The following OTOA variants were observed in gnomAD, a reference collection of about 807,000 sequenced individuals.
OTOA encodes the protein cancer/testis antigen 108.
In OTOA, 70 loss-of-function variants were observed where a neutral mutation model predicts 110.8. That is an observed-to-expected ratio of 0.63 (90% CI 0.52 to 0.77). OTOA has a LOEUF of 0.77. OTOA is among the 30% of genes least tolerant of loss of function. OTOA has a pLI of 0.00. For missense variants in OTOA, 917 were observed against 1,075.8 expected (o/e 0.85, Z 2.06); for synonymous variants, 373 against 431.5 (o/e 0.86, Z 1.68).
intron 9 of OTOA, among the ~76,000 whole-genome samples, chr16:21,694,998 G>A (rs1051970415): frequency 2.6e-5 from 4 of 151,588 alleles, no homozygotes; most frequent in Non-Finnish European, 4.4e-5. Flanking sequence ...TATACGGTGC[G>A]CTTCATTATT....
intron 11 of OTOA, among the ~76,000 whole-genome samples, chr16:21,703,772 T>C (rs2141678681): frequency 6.6e-6 from 1 of 152,260 alleles, no homozygotes; most frequent in Non-Finnish European, 1.5e-5. Flanking sequence ...GTCAACTAGG[T>C]AGTCTTCATT....
At position 21,715,160 on chromosome 16, in the gene OTOA, G is replaced by A. The variant is rs375767505; in HGVS notation, c.1488+8G>A. On this transcript the variant is annotated splice_region_variant and intron_variant, in intron 14 of 28. Transcript: ENST00000646100. ...CAAGGTATCCTCAGCAAGGTGAGAG[G>A]AAGATGTCTGGTGCTCAGCCACATG... is the stretch of plus-strand genomic sequence containing the variant. 108 of 1,613,976 alleles carry A rather than the reference G, an allele frequency of 6.7e-5. No homozygotes were observed. Among genetic ancestry groups the A allele is most frequent in the Non-Finnish European group, 8.9e-5 (105 of 1,179,958 alleles).
chr16:21,681,531 C>T (rs372707474), intron 5 of OTOA, among the ~76,000 whole-genome samples: 27 of 151,702 alleles, frequency 1.8e-4, no homozygotes, highest in South Asian at 8.4e-4. Context: ...TGCAGTGAGC[C>T]GTGATCGCGC....
intron 21 of OTOA, among the ~76,000 whole-genome samples, chr16:21,731,679 AT>A (rs927989121): frequency 6.6e-6 from 1 of 152,158 alleles, no homozygotes; most frequent in African/African-American, 2.4e-5. Flanking sequence ...ACCAACTTTA[AT>A]GGGGCAGGAA....
At chr16:21,667,422 A>G (rs1332721730) in intron 1 of OTOA, among the ~76,000 whole-genome samples, 1 of 152,128 alleles carries the variant, frequency 6.6e-6, no homozygotes, top group Non-Finnish European at 1.5e-5. Flanking sequence ...TGGGAGGCCG[A>G]GGCGGGCAGA....
At chr16:21,708,469 C>T (rs990720457) in intron 12 of OTOA, among the ~76,000 whole-genome samples, 8 of 152,070 alleles carry the variant, frequency 5.3e-5, no homozygotes, top group Non-Finnish European at 1.0e-4. Flanking sequence ...CCCTGGATTT[C>T]GGAGCCCCAC....
At chr16:21,681,192 A>G (rs1966887008) in intron 5 of OTOA, among the ~76,000 whole-genome samples, 1 of 152,172 alleles carries the variant, frequency 6.6e-6, no homozygotes, top group African/African-American at 2.4e-5. Context: ...CGGGAATTAG[A>G]ATATTGCATA....
rs754520650 is a variant in OTOA, at chr16:21,715,154, T to A, written c.1488+2T>A. The A allele has an allele frequency of 3.7e-5, 60 of 1,613,912 alleles. No homozygotes were observed. The highest frequency in any genetic ancestry group is 4.5e-5 in the Non-Finnish European group (53 of 1,179,968). On this transcript the variant is annotated splice_donor_variant, in intron 14 of 28. Coordinates refer to ENST00000646100, the MANE Select transcript of OTOA (RefSeq NM_144672.4). LOFTEE classifies it high-confidence loss of function. ...CAGCAGCAAGGTATCCTCAGCAAGG[T>A]GAGAGGAAGATGTCTGGTGCTCAGC...
intron 12 of OTOA, 46 bp from the exon 13 acceptor site, chr16:21,709,842 C>G (rs199523717): frequency 1.3e-6 from 2 of 1,530,114 alleles, no homozygotes; most frequent in East Asian, 4.5e-5. Flanking sequence ...AGGGAGCCAC[C>G]GCCCTGCTTC....
At chr16:21,698,444 C>G (rs1203693669) in intron 10 of OTOA, among the ~76,000 whole-genome samples, 1 of 152,132 alleles carries the variant, frequency 6.6e-6, no homozygotes, top group Admixed American at 6.6e-5. Flanking sequence ...CACTAAAATC[C>G]CTTGGGCATC....
Position 21,714,332 on chromosome 16 carries a change from C to CCTTCCTTT in OTOA, c.1321-650_1321-649insCCTTTCTT, listed in dbSNP as rs1555499743. Among the ~76,000 whole-genome samples, 186 of 127,724 alleles carry CCTTCCTTT rather than the reference C, an allele frequency of 1.5e-3. 3 individuals are homozygous for CCTTCCTTT. Among genetic ancestry groups the CCTTCCTTT allele is most frequent in the African/African-American group, 3.5e-3 (124 of 35,822 alleles). 83.8% of individuals were successfully genotyped at this position (127,724 alleles called of 152,430 possible). On this transcript the variant is annotated intron_variant, in intron 13 of 28. Coordinates refer to ENST00000646100, the MANE Select transcript of OTOA (RefSeq NM_144672.4). ...TCCTTCCTTCCTTCCTTCCTTCCTTCCTTTCTTTCTTTCTTTCTTTCCTTC... is the reference window on the plus strand; with the variant it reads ...TCCTTCCTTCCTTCCTTCCTTCCTTCCTTCCTTTCTTTCTTTCTTTCTTTCTTTCCTTC...
intron 1 of OTOA, among the ~76,000 whole-genome samples, chr16:21,668,814 A>G (rs1434023306): frequency 2.6e-5 from 4 of 152,046 alleles, no homozygotes; most frequent in Admixed American, 2.0e-4. Flanking sequence ...CAAGTGATCA[A>G]TCTTTTGTTT....
chr16:21,702,115 A>G (rs1360205390), intron 11 of OTOA, among the ~76,000 whole-genome samples: 2 of 151,586 alleles, frequency 1.3e-5, no homozygotes, highest in African/African-American at 2.4e-5. Flanking sequence ...ACACCCAGCT[A>G]ATTTTTGTAT....
intron 22 of OTOA, among the ~76,000 whole-genome samples, chr16:21,739,398 T>TTA (rs1488730179): frequency 6.6e-6 from 1 of 151,042 alleles, no homozygotes; most frequent in African/African-American, 2.4e-5. Context: ...TCCAAGTGGC[T>TTA]TATGATAAAG....
rs73549604 is a variant in OTOA at position 21,676,006 on chromosome 16, C to T, written c.-4-2505C>T. Among the ~76,000 whole-genome samples, 726 of 152,268 alleles carry T rather than the reference C, an allele frequency of 4.8e-3. 11 individuals are homozygous for T. Among genetic ancestry groups the T allele is most frequent in the African/African-American group, 0.017 (689 of 41,538 alleles). ...GCAGTGGCATAATCATGGCTCATTG[C>T]AGCCTCAACTTTCCAGGCTTCAGTG... On this transcript the variant is annotated intron_variant, in intron 1 of 28. Coordinates refer to ENST00000646100, the MANE Select transcript of OTOA (RefSeq NM_144672.4).
intron 22 of OTOA, among the ~76,000 whole-genome samples, chr16:21,737,980 A>T (rs1244507897): frequency 6.6e-6 from 1 of 152,310 alleles, no homozygotes; most frequent in African/African-American, 2.4e-5. Context: ...TTGTAAATAA[A>T]GAGCTTACTT....
At chr16:21,694,712 GA>G (rs1434783694) in intron 9 of OTOA, among the ~76,000 whole-genome samples, 1 of 152,150 alleles carries the variant, frequency 6.6e-6, no homozygotes, top group African/African-American at 2.4e-5. Context: ...TCGGTGTGGG[GA>G]AAACATAAGG....
At position 21,716,953 on chromosome 16, in the gene OTOA, G is replaced by C. The variant is rs1418508879; in HGVS notation, c.1535G>C (p.Gly512Ala). ...GCCCCAGGCATCGTGGAGATACAAG[G>C]GGCTTTCTTTAAGGAAGTGTCTCTC... is the stretch of plus-strand genomic sequence containing the variant. Reference protein sequence around the residue: ...DTAPGIVEIQGAFFKEVSLFD... With the variant: ...DTAPGIVEIQAAFFKEVSLFD... The change falls in exon 15 of 29, where the codon GGG becomes GCG. Residue 512 changes from glycine to alanine, a missense_variant. Physicochemically the swap from Gly to Ala is moderately conservative, Grantham distance 60. Around this residue, in one of 6 missense-constraint regions of OTOA, gnomAD observed 840 missense variants for 910.2 expected, o/e 0.92. Coordinates refer to ENST00000646100, the MANE Select transcript of OTOA (RefSeq NM_144672.4). 1.2e-6 allele frequency: 2 copies of C among 1,613,890 alleles called. No individual in the cohort carries two copies. Among genetic ancestry groups the C allele is most frequent in the African/African-American group, 2.7e-5 (2 of 74,866 alleles).
intron 17 of OTOA, chr16:21,721,171 T>G (rs898095103): frequency 1.0e-5 from 4 of 399,710 alleles, no homozygotes; most frequent in Non-Finnish European, 2.1e-5. Context: ...AGCCTCAGCC[T>G]CCTAAAGTGC....
Sources: gnomAD v4.1 joint callset for allele counts (sites outside exome capture counted in the v4.1 genomes callset) on GRCh38, gnomAD v4.1.1 for gene constraint, gnomAD v4.1.1 regional missense constraint, MANE v1.5 for transcripts, NCBI Gene and HGNC (gene_info 2026-07-23, HGNC 2026-07-21) for gene names.